Variants in SEMA5A observed in about 807,000 individuals in gnomAD.
SEMA5A encodes semaphorin-5A.
Under a neutral mutation model 135.5 loss-of-function variants are expected in SEMA5A, and 55 were observed. The ratio of observed to expected loss-of-function variants is 0.41; its 90% CI spans 0.33 to 0.51. SEMA5A has a LOEUF of 0.51. Ranked by LOEUF, SEMA5A falls within the 20% of genes least tolerant of loss-of-function variation. The pLI is 0.37. For missense variants in SEMA5A, 1,290 were observed against 1,419.9 expected, an observed-to-expected ratio of 0.91 and a Z score of 1.47; for synonymous variants, 580 against 546.5, an observed-to-expected ratio of 1.06 and a Z score of -0.85.
intron 12 of SEMA5A, among the ~76,000 whole-genome samples, chr5:9,142,147 C>A (rs1199354433): frequency 1.3e-5 from 2 of 152,144 alleles, no homozygotes; most frequent in African/African-American, 4.8e-5. Context: ...ATATCAACAA[C>A]CAGTTGCAAA....
At chr5:9,045,708 C>T (rs1168118881) in intron 21 of SEMA5A, 1 of 152,120 alleles carries the variant, frequency 6.6e-6, no homozygotes, top group East Asian at 1.9e-4. Context: ...GTTAAATGAA[C>T]AAAATATGAT....
At chr5:9,496,858 T>A (rs1315868620) in intron 1 of SEMA5A, among the ~76,000 whole-genome samples, 1 of 152,216 alleles carries the variant, frequency 6.6e-6, no homozygotes, top group Non-Finnish European at 1.5e-5. Context: ...GAGGATCTTT[T>A]TAAAGCCCAT....
intron 5 of SEMA5A, among the ~76,000 whole-genome samples, chr5:9,286,728 AC>A (rs1750814842): frequency 1.1e-4 from 2 of 17,876 alleles, no homozygotes; most frequent in Non-Finnish European, 6.0e-4. Context: ...ACACACATAC[AC>A]ACACACACAC....
intron 21 of SEMA5A, among the ~76,000 whole-genome samples, chr5:9,048,660 C>T (rs1736399768): frequency 6.6e-6 from 1 of 152,148 alleles, no homozygotes; most frequent in African/African-American, 2.4e-5. Context: ...GTTCCAAAAC[C>T]CTTCTCTATT....
intron 1 of SEMA5A, among the ~76,000 whole-genome samples, chr5:9,447,523 T>C (rs1160969748): frequency 6.6e-6 from 1 of 152,058 alleles, no homozygotes; most frequent in Non-Finnish European, 1.5e-5. Context: ...AAGAAGAAAA[T>C]AGCATCTCAT....
intron 12 of SEMA5A, among the ~76,000 whole-genome samples, chr5:9,139,326 A>G (rs1366280489): frequency 1.3e-5 from 2 of 152,216 alleles, no homozygotes; most frequent in Admixed American, 1.3e-4. Context: ...ATGTAGTTAT[A>G]GGCATTATTA....
At chr5:9,192,478 G>A (rs1745164954) in intron 10 of SEMA5A, among the ~76,000 whole-genome samples, 2 of 152,188 alleles carry the variant, frequency 1.3e-5, no homozygotes, top group South Asian at 4.1e-4. Flanking sequence ...GAGCAGGACA[G>A]CAATTCTATG....
At chr5:9,447,216 C>T (rs902308451) in intron 1 of SEMA5A, among the ~76,000 whole-genome samples, 7 of 152,174 alleles carry the variant, frequency 4.6e-5, no homozygotes, top group African/African-American at 1.4e-4. Flanking sequence ...AGTATAAACC[C>T]GTGCAAGCCA....
chr5:9,071,902 G>A (rs1252384027), intron 16 of SEMA5A, among the ~76,000 whole-genome samples: 3 of 152,170 alleles, frequency 2.0e-5, no homozygotes, highest in African/African-American at 7.2e-5. Context: ...AATTGTGCTT[G>A]CAAAGAGCCA....
intron 11 of SEMA5A, among the ~76,000 whole-genome samples, chr5:9,187,022 G>A (rs1744845364): frequency 6.6e-6 from 1 of 152,082 alleles, no homozygotes; most frequent in South Asian, 2.1e-4. Flanking sequence ...TTGCCTTGAT[G>A]TAACTACTGG....
chr5:9,256,890 A>G (rs1749101467), intron 5 of SEMA5A, among the ~76,000 whole-genome samples: 1 of 152,258 alleles, frequency 6.6e-6, no homozygotes, highest in African/African-American at 2.4e-5. Context: ...ATTAGCATGA[A>G]GAGTGAAAAA....
intron 11 of SEMA5A, among the ~76,000 whole-genome samples, chr5:9,171,821 C>T (rs1216065761): frequency 6.6e-6 from 1 of 152,138 alleles, no homozygotes; most frequent in Non-Finnish European, 1.5e-5. Flanking sequence ...GATGAGAGGT[C>T]AGTGCCTGGA....
intron 12 of SEMA5A, among the ~76,000 whole-genome samples, chr5:9,140,157 C>A (rs1490951493): frequency 6.6e-6 from 1 of 152,110 alleles, no homozygotes; most frequent in African/African-American, 2.4e-5. Flanking sequence ...TTTAAAATCT[C>A]TAGCTTTGGG....
chr5:9,168,734 C>T (rs926017833), intron 11 of SEMA5A, among the ~76,000 whole-genome samples: 4 of 152,164 alleles, frequency 2.6e-5, no homozygotes, highest in African/African-American at 7.2e-5. Context: ...ATCTGAGGCT[C>T]GCAGAGGCTT....
At chr5:9,146,777 T>C (rs969498703) in intron 12 of SEMA5A, among the ~76,000 whole-genome samples, 1 of 152,174 alleles carries the variant, frequency 6.6e-6, no homozygotes, top group Non-Finnish European at 1.5e-5. Flanking sequence ...TTGGCATGTA[T>C]TGAGTTCAAT....
intron 5 of SEMA5A, among the ~76,000 whole-genome samples, chr5:9,305,436 T>A (rs917635140): frequency 1.3e-5 from 2 of 152,082 alleles, no homozygotes; most frequent in Admixed American, 1.3e-4. Flanking sequence ...TTTGGTTCAC[T>A]CTGTGTTTTT....
intron 11 of SEMA5A, among the ~76,000 whole-genome samples, chr5:9,181,943 C>T (rs2150328993): frequency 6.6e-6 from 1 of 151,834 alleles, no homozygotes; most frequent in Non-Finnish European, 1.5e-5. Flanking sequence ...ATTTCCTGAC[C>T]TCTATCTCCT....
At chr5:9,241,693 TA>T (rs1177161556) in intron 5 of SEMA5A, among the ~76,000 whole-genome samples, 2 of 152,018 alleles carry the variant, frequency 1.3e-5, no homozygotes, top group African/African-American at 4.8e-5. Context: ...CACACAGACA[TA>T]CTACGGTTAG....
At chr5:9,346,656 T>C (rs560991004) in intron 3 of SEMA5A, among the ~76,000 whole-genome samples, 2 of 152,146 alleles carry the variant, frequency 1.3e-5, no homozygotes, top group African/African-American at 2.4e-5. Context: ...ACACGGAGGG[T>C]CTGAGTCAGT....
Sources: allele counts gnomAD v4.1 joint callset (sites outside exome capture counted in the v4.1 genomes callset), GRCh38; gene constraint gnomAD v4.1.1; transcripts MANE v1.5; gene names NCBI Gene and HGNC (gene_info 2026-07-23, HGNC 2026-07-21).